The following FUT8 variants were observed in gnomAD, a reference collection of about 807,000 sequenced individuals.
FUT8 encodes fucosyltransferase 8, also known as alpha-(1,6)-fucosyltransferase.
A neutral mutation model predicts 71.3 loss-of-function variants in FUT8; 29 were observed. The observed-to-expected ratio is 0.41, with a 90% CI of 0.30 to 0.55. The LOEUF is 0.55. Among genes scored for constraint, FUT8 ranks in the 20% least tolerant of loss-of-function variants. The pLI is 0.34. For missense variants in FUT8, 544 were observed against 702.1 expected (o/e 0.77, Z 2.55); for synonymous variants, 254 against 239.3 (o/e 1.06, Z -0.57).
chr14:65,415,800 G>C (rs977733447), intron 1 of FUT8, among the ~76,000 whole-genome samples: 2 of 151,400 alleles, frequency 1.3e-5, no homozygotes, highest in Non-Finnish European at 2.9e-5. Flanking sequence ...AATGCAGTGC[G>C]TCCAGCTGAT....
chr14:65,366,505 T>C, the FUT8 span, among the ~76,000 whole-genome samples: 10 of 152,226 alleles, frequency 6.6e-5, no homozygotes, highest in Non-Finnish European at 7.3e-5. Flanking sequence ...AATGACATTA[T>C]ATGTTATTGC....
chr14:65,536,969 C>CTT lies in FUT8; in HGVS notation c.-227-24353_-227-24352dup, dbSNP rs57549287. ...CCCTTTTGTTCTTCATCTTCTTCTT[C>CTT]TTTTTTTTTTTTTTTTGCTGACTGT... On this transcript the variant is annotated intron_variant, in intron 2 of 10. Transcript: ENST00000673929. 5.6e-3 allele frequency among the ~76,000 whole-genome samples: 693 copies of CTT among 124,524 alleles called. 25 individuals carry two copies. The East Asian group carries it at 0.093, about 17-fold the overall frequency. 81.7% of individuals were successfully genotyped at this position (124,524 alleles called of 152,430 possible). A position where few individuals can be genotyped will look rare whatever the true frequency, so the allele number is the denominator to read the frequency against.
chr14:65,467,884 T>C lies in FUT8; in HGVS notation c.-228+12166T>C. ...CTGGTTCTCACAAAGTGTGCTTCTCTGGATGGAGCAGGCTGGTGCTTCAGT... is the reference window on the plus strand; with the variant it reads ...CTGGTTCTCACAAAGTGTGCTTCTCCGGATGGAGCAGGCTGGTGCTTCAGT... On this transcript the variant is annotated intron_variant, in intron 2 of 10. Coordinates refer to ENST00000673929, the MANE Select transcript of FUT8 (RefSeq NM_001371533.1). This position sits in a 1 kb window ranked among gnomAD's most constrained non-coding sequence, Gnocchi z 4.1. The C allele has an allele frequency of 1.3e-6, 1 of 780,662 alleles. No homozygotes were observed. The highest frequency in any genetic ancestry group is 2.3e-6 in the Non-Finnish European group (1 of 426,912). 48.4% of individuals were successfully genotyped at this position (780,662 alleles called of 1,614,324 possible).
rs975422226 is a variant in FUT8 at position 65,643,514 on chromosome 14, C to T, written c.597+13908C>T. Among the ~76,000 whole-genome samples the T allele has an allele frequency of 4.0e-5, 6 of 151,802 alleles. No individual in the cohort carries two copies. Among genetic ancestry groups the T allele is most frequent in the South Asian group, 4.2e-4 (2 of 4,810 alleles). ...CTAAAAATACAAAAGATTAGCCGGGCGTGGTGGCGGGCACCTGTAGTCTCA... is the reference window on the plus strand; with the variant it reads ...CTAAAAATACAAAAGATTAGCCGGGTGTGGTGGCGGGCACCTGTAGTCTCA... On this transcript the variant is annotated intron_variant, in intron 6 of 10. Coordinates refer to ENST00000673929, the MANE Select transcript of FUT8 (RefSeq NM_001371533.1). The surrounding 1 kb of genome is among the most constrained non-coding windows in gnomAD (Gnocchi z 4.5).
Position 65,603,757 on chromosome 14 carries a change from C to T in FUT8, c.204-12221C>T, listed in dbSNP as rs1254683770. Among the ~76,000 whole-genome samples the T allele has an allele frequency of 2.0e-5, 3 of 151,700 alleles. No individual in the cohort carries two copies. The highest frequency in any genetic ancestry group is 6.6e-5 in the Admixed American group (1 of 15,162). ...TAGGACGATGAATGGAATAGTACCTCACATCTTAATGTTAATATTGAATGT... is the reference window on the plus strand; with the variant it reads ...TAGGACGATGAATGGAATAGTACCTTACATCTTAATGTTAATATTGAATGT... On this transcript the variant is annotated intron_variant, in intron 3 of 10. Transcript: ENST00000673929. This position sits in a 1 kb window ranked among gnomAD's most constrained non-coding sequence, Gnocchi z 4.5.
At chr14:65,624,859 G>A (rs1450074562) in intron 5 of FUT8, among the ~76,000 whole-genome samples, 1 of 152,216 alleles carries the variant, frequency 6.6e-6, no homozygotes, top group African/African-American at 2.4e-5. Flanking sequence ...GAGGTCAGGA[G>A]TTCAAGACAA....
intron 1 of FUT8, among the ~76,000 whole-genome samples, chr14:65,442,179 C>CT (rs1021625986): frequency 2.8e-3 from 397 of 140,532 alleles, no homozygotes; most frequent in Middle Eastern, 3.6e-3. Flanking sequence ...TAAGGGTGGA[C>CT]TTTTTTTTTT....
At chr14:65,453,769 G>A (rs2065860139) in intron 1 of FUT8, among the ~76,000 whole-genome samples, 1 of 151,724 alleles carries the variant, frequency 6.6e-6, no homozygotes, top group Non-Finnish European at 1.5e-5. Flanking sequence ...GTGTAGATTA[G>A]TATTTAGTTG....
intron 2 of FUT8, among the ~76,000 whole-genome samples, chr14:65,485,810 TC>T (rs1057189716): frequency 2.2e-4 from 34 of 152,294 alleles, no homozygotes; most frequent in South Asian, 1.7e-3. Context: ...CGCACCTAGC[TC>T]CCCTTGGATT....
At chr14:65,425,158 A>G (rs2065363357) in intron 1 of FUT8, among the ~76,000 whole-genome samples, 1 of 152,008 alleles carries the variant, frequency 6.6e-6, no homozygotes, top group Non-Finnish European at 1.5e-5. Flanking sequence ...ATTAGAAAAA[A>G]AATGGAGTTT....
At chr14:65,576,333 A>G (rs1480926803) in intron 3 of FUT8, among the ~76,000 whole-genome samples, 3 of 152,178 alleles carry the variant, frequency 2.0e-5, no homozygotes, top group African/African-American at 7.2e-5. Flanking sequence ...CTGACCCTTT[A>G]TAGAAAAAGT....
At chr14:65,692,351 C>CG (rs1893670203) in intron 7 of FUT8, among the ~76,000 whole-genome samples, 1 of 137,034 alleles carries the variant, frequency 7.3e-6, no homozygotes, top group African/African-American at 2.7e-5. Context: ...GCTGGCCGGG[C>CG]GGGGGGCTGA....
chr14:65,543,964 C>T (rs962545833), intron 2 of FUT8, among the ~76,000 whole-genome samples: 4 of 152,078 alleles, frequency 2.6e-5, no homozygotes, highest in African/African-American at 9.7e-5. Flanking sequence ...TCATTGAACC[C>T]CATTGAATTA....
At chr14:65,537,620 C>A (rs1884409997) in intron 2 of FUT8, among the ~76,000 whole-genome samples, 1 of 152,126 alleles carries the variant, frequency 6.6e-6, no homozygotes, top group African/African-American at 2.4e-5. Context: ...ATCTCCTGAC[C>A]TTGTGATCCA....
intron 2 of FUT8, among the ~76,000 whole-genome samples, chr14:65,463,936 C>T (rs576216455): frequency 1.3e-5 from 2 of 152,308 alleles, no homozygotes; most frequent in South Asian, 4.1e-4. Flanking sequence ...TTTTGTTGGA[C>T]TCAAAGATGC....
intron 6 of FUT8, chr14:65,636,637 A>C (rs1347194470): frequency 6.6e-6 from 1 of 152,114 alleles, no homozygotes; most frequent in Non-Finnish European, 1.5e-5. Context: ...TTTAATTTCC[A>C]TGTGTTTGCA....
At chr14:65,411,698 T>C (rs895301546), upstream of FUT8, 7 of 272,438 alleles carry the variant, frequency 2.6e-5, no homozygotes, top group African/African-American at 1.6e-4. Flanking sequence ...AAGGGCACCA[T>C]TTCGCTCTCC....
the FUT8 span, among the ~76,000 whole-genome samples, chr14:65,359,902 C>T: frequency 5.3e-5 from 8 of 152,092 alleles, no homozygotes; most frequent in Non-Finnish European, 1.0e-4. Context: ...CTCTGCTCAT[C>T]GCAATCTCCG....
intron 6 of FUT8, among the ~76,000 whole-genome samples, chr14:65,659,747 C>G (rs948434150): frequency 6.6e-6 from 1 of 152,016 alleles, no homozygotes; most frequent in African/African-American, 2.4e-5. Context: ...CCCAACTCCC[C>G]TTTTTTCTAT....
Sources: allele counts gnomAD v4.1 joint callset (sites outside exome capture counted in the v4.1 genomes callset), GRCh38; gene constraint gnomAD v4.1.1; non-coding constraint Gnocchi (gnomAD v3.1); transcripts MANE v1.5; gene names NCBI Gene and HGNC (gene_info 2026-07-23, HGNC 2026-07-21).